Variants in CNNM1 observed in about 807,000 individuals in gnomAD.
The protein encoded by CNNM1 is cyclin and CBS domain divalent metal cation transport mediator 1.
Under a neutral mutation model 78.8 loss-of-function variants are expected in CNNM1, and 44 were observed. The observed-to-expected ratio is 0.56, with a 90% confidence interval of 0.44 to 0.72. CNNM1 has a LOEUF of 0.72. Ranked by LOEUF, CNNM1 falls within the 30% of genes least tolerant of loss-of-function variation. The pLI is 0.00. For synonymous variants in CNNM1, 584 were observed against 581.5 expected, an observed-to-expected ratio of 1.00 and a Z score of -0.06; for missense variants, 1,101 against 1,292.2, an observed-to-expected ratio of 0.85 and a Z score of 2.27.
chr10:99,356,512 A>AAG lies in CNNM1; in HGVS notation c.1574-996_1574-995dup, dbSNP rs1491035462. Among the ~76,000 whole-genome samples the AAG allele has an allele frequency of 6.7e-3, 820 of 121,832 alleles. 10 individuals are homozygous for AAG. The highest frequency in any genetic ancestry group is 0.024 in the African/African-American group (762 of 32,334). 79.9% of individuals were successfully genotyped at this position (121,832 alleles called of 152,430 possible). On this transcript the variant is annotated intron_variant, in intron 1 of 10. Transcript: ENST00000356713. ...AGAGAGAGAGAGAGAGAGAGAGAGA[A>AAG]AGAGAAAGAGAGAAAGAAAGAAAGA...
chr10:99,354,689 C>A (rs1049477868), intron 1 of CNNM1, among the ~76,000 whole-genome samples: 6 of 151,988 alleles, frequency 3.9e-5, no homozygotes, highest in African/African-American at 1.5e-4. Flanking sequence ...GGTACCTGGG[C>A]TAGAGCTCAA....
At chr10:99,358,403 G>A (rs754569031) in intron 2 of CNNM1, among the ~76,000 whole-genome samples, 28 of 152,180 alleles carry the variant, frequency 1.8e-4, no homozygotes, top group Non-Finnish European at 2.8e-4. Flanking sequence ...AAGTCCATGG[G>A]AGTCCCTAGG....
At chr10:99,350,612 C>T (rs2134032586) in intron 1 of CNNM1, among the ~76,000 whole-genome samples, 1 of 152,224 alleles carries the variant, frequency 6.6e-6, no homozygotes, top group Non-Finnish European at 1.5e-5. Context: ...GATGTTGCTG[C>T]CACTGCCTTT....
At chr10:99,381,563 GA>G (rs1438517607) in intron 7 of CNNM1, among the ~76,000 whole-genome samples, 1 of 151,752 alleles carries the variant, frequency 6.6e-6, no homozygotes, top group Non-Finnish European at 1.5e-5. Context: ...CCAACATGGC[GA>G]AACCCCATCT....
chr10:99,358,306 G>C (rs2134044634), intron 2 of CNNM1, among the ~76,000 whole-genome samples: 1 of 152,294 alleles, frequency 6.6e-6, no homozygotes, highest in South Asian at 2.1e-4. Flanking sequence ...ATGCAGATGT[G>C]AGTACTTTGG....
At chr10:99,333,241 A>G (rs1180744783) in intron 1 of CNNM1, among the ~76,000 whole-genome samples, 1 of 152,222 alleles carries the variant, frequency 6.6e-6, no homozygotes, top group Non-Finnish European at 1.5e-5. Flanking sequence ...CTTAAAACTG[A>G]TAGTTAAGAT....
At chr10:99,356,554 C>CAGAA (rs1189884919) in intron 1 of CNNM1, among the ~76,000 whole-genome samples, 1,171 of 44,390 alleles carry the variant, frequency 0.026, 10 homozygotes, top group Middle Eastern at 0.082. Context: ...GACAGACAGA[C>CAGAA]AGACAGACAG....
intron 6 of CNNM1, among the ~76,000 whole-genome samples, chr10:99,367,394 AT>A (rs2031656812): frequency 6.6e-6 from 1 of 151,356 alleles, no homozygotes; most frequent in Non-Finnish European, 1.5e-5. Context: ...GCTTTCCTGC[AT>A]GAGGTGAAGG....
At position 99,362,415 on chromosome 10, in the gene CNNM1, G is replaced by A. The variant is rs746896028; in HGVS notation, c.2028+19G>A. 6.2e-7 allele frequency: 1 copy of A among 1,603,488 alleles called. No individual in the cohort carries two copies. The highest frequency in any genetic ancestry group is 1.7e-5 in the Admixed American group (1 of 58,446). ...TCTACAGGTGAGTAGGAAAGTCAGG[G>A]AACCTCTGAGAGCCAGAGGAGGGCA... is the stretch of plus-strand genomic sequence containing the variant. On this transcript the variant is annotated intron_variant, in intron 4 of 10. Coordinates refer to ENST00000356713, the MANE Select transcript of CNNM1 (RefSeq NM_020348.3).
At chr10:99,348,705 T>C (rs2030810485) in intron 1 of CNNM1, among the ~76,000 whole-genome samples, 1 of 152,154 alleles carries the variant, frequency 6.6e-6, no homozygotes, top group African/African-American at 2.4e-5. Flanking sequence ...GGGTAAGTGA[T>C]TTTGACAAGA....
intron 1 of CNNM1, among the ~76,000 whole-genome samples, chr10:99,334,578 G>A (rs539056037): frequency 8.1e-4 from 123 of 152,256 alleles, no homozygotes; most frequent in African/African-American, 2.9e-3. Context: ...GCTGAGACAG[G>A]AGGCGGAGGT....
chr10:99,388,170 T>C lies in CNNM1; in HGVS notation c.2543T>C (p.Leu848Pro). 1 of 1,613,754 alleles carries C rather than the reference T, an allele frequency of 6.2e-7. No homozygotes were observed. Among genetic ancestry groups the C allele is most frequent in the Non-Finnish European group, 8.5e-7 (1 of 1,179,850 alleles). The change falls in exon 9 of 11, where the codon CTG becomes CCG. Residue 848 changes from leucine to proline, a missense_variant. By Grantham distance (98) the Leu-to-Pro change is moderately conservative. Coordinates refer to ENST00000356713, the MANE Select transcript of CNNM1 (RefSeq NM_020348.3). ...TCCCCAGGCAGCCGCTCAGACGGGC[T>C]GAGAAGCCCCAGCGAGGTAGTGTAC... ...NSLPCSRSDG[L>P]RSPSEVVYLR...
chr10:99,376,989 CTCCCTCCCCCTTCTTCCTCCCCACCCA>C, intron 6 of CNNM1, 39 bp from the exon 7 acceptor site: 1 of 1,293,314 alleles, frequency 7.7e-7, no homozygotes, highest in Non-Finnish European at 1.1e-6. Context: ...CCCTGTCTCC[CTCCCTCCCCCTTCTTCCTCCCCACCCA>C]TCCCTCCTTG....
In CNNM1 at chr10:99,330,782, A is replaced by G. The variant is rs1589879800; in HGVS notation, c.1395A>G (p.Pro465=). ...TGCGCAGCGGCTACACTCGCATCCC[A>G]GTGTACGAGGGTGACCAGCGGCACA... ...EILRSGYTRI[P]VYEGDQRHNI... The change falls in exon 1 of 11, where the codon CCA becomes CCG. Residue 465 remains proline, a synonymous_variant. Coordinates refer to ENST00000356713, the MANE Select transcript of CNNM1 (RefSeq NM_020348.3). 1.2e-6 allele frequency: 2 copies of G among 1,613,942 alleles called. No individual in the cohort carries two copies. Among genetic ancestry groups the G allele is most frequent in the African/African-American group, 1.3e-5 (1 of 74,892 alleles).
At chr10:99,358,668 C>A (rs1221230496) in intron 2 of CNNM1, among the ~76,000 whole-genome samples, 1 of 152,122 alleles carries the variant, frequency 6.6e-6, no homozygotes, top group South Asian at 2.1e-4. Context: ...AGTCATGGCA[C>A]CTCCCTCCAA....
At chr10:99,365,165 C>T (rs1037201025) in intron 6 of CNNM1, 163 bp downstream of exon 6, 1 of 733,812 alleles carries the variant, frequency 1.4e-6, no homozygotes, top group Non-Finnish European at 2.4e-6. Context: ...TGCCAGGTAC[C>T]CACAGACCAT....
chr10:99,362,442 C>A, intron 4 of CNNM1, 46 bp downstream of exon 4: 2 of 1,568,324 alleles, frequency 1.3e-6, no homozygotes, highest in South Asian at 1.2e-5. Flanking sequence ...AGGAGGGCAT[C>A]TCCAGGGTGA....
chr10:99,337,300 G>A (rs965753872), intron 1 of CNNM1, among the ~76,000 whole-genome samples: 5 of 152,088 alleles, frequency 3.3e-5, no homozygotes, highest in African/African-American at 1.2e-4. Flanking sequence ...GCAGCTCCCC[G>A]CTGCCTACGG....
intron 2 of CNNM1, among the ~76,000 whole-genome samples, chr10:99,359,428 A>G (rs2031348999): frequency 6.6e-6 from 1 of 152,204 alleles, no homozygotes; most frequent in South Asian, 2.1e-4. Context: ...AAGAGCTATG[A>G]AAAGGCCCAG....
Sources: allele counts gnomAD v4.1 joint callset (sites outside exome capture counted in the v4.1 genomes callset), GRCh38; gene constraint gnomAD v4.1.1; transcripts MANE v1.5; gene names NCBI Gene and HGNC (gene_info 2026-07-23, HGNC 2026-07-21).